SPON1: variants seen among roughly 807,000 people sequenced by gnomAD.
SPON1 encodes the protein spondin 1.
SPON1 carries 52 observed loss-of-function variants against 111.7 expected under a neutral mutation model. The ratio of observed to expected loss-of-function variants is 0.47; its 90% CI spans 0.37 to 0.59. The LOEUF is 0.59. Among genes scored for constraint, SPON1 ranks in the 20% least tolerant of loss-of-function variants. The probability of loss-of-function intolerance (pLI) is 0.00; values close to 1 mark genes in which losing one functional copy is unlikely to be tolerated. For synonymous variants in SPON1, 410 were observed against 395.8 expected, an observed-to-expected ratio of 1.04 and a Z score of -0.43; for missense variants, 957 against 1,068.5, an observed-to-expected ratio of 0.90 and a Z score of 1.46.
At chr11:14,223,085 C>G (rs1031352995) in intron 6 of SPON1, among the ~76,000 whole-genome samples, 10 of 152,200 alleles carry the variant, frequency 6.6e-5, no homozygotes, top group African/African-American at 1.9e-4. Context: ...GAAAAGTGGG[C>G]CGAGCATGGT....
intron 1 of SPON1, 83 bp from the exon 2 acceptor site, chr11:13,982,764 T>C: frequency 2.2e-6 from 2 of 927,152 alleles, no homozygotes; most frequent in Non-Finnish European, 1.7e-6. Flanking sequence ...GGGATATCGA[T>C]GGAGAACTCA....
chr11:13,983,225 G>C lies in SPON1; in HGVS notation c.345+272G>C, dbSNP rs534593455. On this transcript the variant is annotated intron_variant, in intron 2 of 15. Coordinates refer to ENST00000576479, the MANE Select transcript of SPON1 (RefSeq NM_006108.4). Reference sequence around the variant, plus strand: ...GTCCTTCAGCAGCCAAGCGTGGGGAGAGCACTTGGAGCCCTGGCTAGGCCT... The same window carrying C: ...GTCCTTCAGCAGCCAAGCGTGGGGACAGCACTTGGAGCCCTGGCTAGGCCT... Among the ~76,000 whole-genome samples, 3 of 152,356 alleles carry C rather than the reference G, an allele frequency of 2.0e-5. No individual in the cohort carries two copies. The South Asian group carries it at 6.2e-4, about 32-fold the overall frequency.
intron 5 of SPON1, among the ~76,000 whole-genome samples, chr11:14,127,728 A>T (rs116847339): frequency 0.013 from 1,951 of 152,350 alleles, 16 homozygotes; most frequent in Middle Eastern, 0.027. Flanking sequence ...CACATAGTAA[A>T]GTCTCGTGTA....
chr11:14,177,053 T>G (rs1848184813), intron 6 of SPON1, among the ~76,000 whole-genome samples: 1 of 152,152 alleles, frequency 6.6e-6, no homozygotes, highest in South Asian at 2.1e-4. Context: ...TTTGTTTGTT[T>G]GTTTTGAGAT....
At chr11:14,020,673 TG>T (rs1564887301) in intron 2 of SPON1, among the ~76,000 whole-genome samples, 2 of 152,220 alleles carry the variant, frequency 1.3e-5, no homozygotes, top group Non-Finnish European at 2.9e-5. Flanking sequence ...GTGATTGATC[TG>T]ATCTGAAAGC....
intron 5 of SPON1, among the ~76,000 whole-genome samples, chr11:14,090,233 T>C (rs1303583760): frequency 2.0e-5 from 3 of 149,672 alleles, no homozygotes; most frequent in Non-Finnish European, 4.4e-5. Flanking sequence ...TGCAGCCAGC[T>C]TGGCGTCTGC....
chr11:14,007,015 G>A (rs79399692), intron 2 of SPON1, among the ~76,000 whole-genome samples: 2,860 of 152,250 alleles, frequency 0.019, 94 homozygotes, highest in African/African-American at 0.066. Context: ...CTAGGGCAGT[G>A]GTCCCAAACC....
rs979173943 is a variant in SPON1, at chr11:14,219,359, T to G, written c.826-23973T>G. ...AAAGTTATCCTAGTTTCAGTCTCTC[T>G]TTAAATCAAAGTGTAGACAGTATGT... is the stretch of plus-strand genomic sequence containing the variant. On this transcript the variant is annotated intron_variant, in intron 6 of 15. Transcript: ENST00000576479. 5.3e-5 allele frequency among the ~76,000 whole-genome samples: 8 copies of G among 152,316 alleles called. No individual in the cohort carries two copies. In the South Asian group the frequency reaches 1.7e-3, roughly 32 times the overall value.
intron 6 of SPON1, among the ~76,000 whole-genome samples, chr11:14,217,159 G>T (rs1319196933): frequency 6.6e-6 from 1 of 152,154 alleles, no homozygotes; most frequent in African/African-American, 2.4e-5. Context: ...CAGATCAGAT[G>T]GTTGTCTTGC....
intron 5 of SPON1, among the ~76,000 whole-genome samples, chr11:14,107,740 T>G (rs1350239031): frequency 6.6e-6 from 1 of 151,846 alleles, no homozygotes; most frequent in East Asian, 1.9e-4. Flanking sequence ...AATGCGAGAG[T>G]GGAAAGGAAG....
Position 13,962,797 on chromosome 11 carries a change from C to A in SPON1, c.-108C>A. On this transcript the variant is annotated 5_prime_UTR_variant, in exon 1 of 16. Transcript: ENST00000576479. ...AGTCGCGGACGCCAGCTCCGAGCTC[C>A]CTCTCTCCGCCGCGCCTCCGCCAGG... 9.3e-7 allele frequency: 1 copy of A among 1,078,408 alleles called. No individual in the cohort carries two copies. Among genetic ancestry groups the A allele is most frequent in the South Asian group, 1.8e-5 (1 of 54,178 alleles). The allele number at this position is 1,078,408 out of a possible 1,614,324, so 66.8% of individuals were successfully genotyped here. A position where few individuals can be genotyped will look rare whatever the true frequency, so the allele number is the denominator to read the frequency against.
Position 14,250,567 on chromosome 11 carries a change from C to T in SPON1, c.891-3961C>T, listed in dbSNP as rs188168101. 3.8e-3 allele frequency among the ~76,000 whole-genome samples: 575 copies of T among 152,138 alleles called. 16 individuals carry two copies. The highest frequency in any genetic ancestry group is 1.7e-3 in the East Asian group (9 of 5,184). On this transcript the variant is annotated intron_variant, in intron 7 of 15. Transcript: ENST00000576479. ...ATATTTCTATCTTACCTGAATATCA[C>T]GCTATTTTGTCTATCATGCTTTATC...
chr11:14,246,927 G>A (rs1848997064), intron 7 of SPON1, among the ~76,000 whole-genome samples: 1 of 152,086 alleles, frequency 6.6e-6, no homozygotes, highest in African/African-American at 2.4e-5. Flanking sequence ...AAAACAAAGG[G>A]GAGAACATTT....
rs1360138765 is a variant in SPON1 at position 14,160,726 on chromosome 11, TTTATATATATTTA to T, written c.825+25159_825+25171del. Among the ~76,000 whole-genome samples, 21 of 13,974 alleles carry T rather than the reference TTTATATATATTTA, an allele frequency of 1.5e-3. 3 individuals carry two copies. The highest frequency in any genetic ancestry group is 5.5e-3 in the South Asian group (2 of 362). The allele number at this position is 13,974 out of a possible 152,430, so 9.2% of individuals were successfully genotyped here. A position where few individuals can be genotyped will look rare whatever the true frequency, so the allele number is the denominator to read the frequency against. On this transcript the variant is annotated intron_variant, in intron 6 of 15. Transcript: ENST00000576479. Reference sequence around the variant, plus strand: ...ATATATATTTATATATATTTATATATTTATATATATTTAATTTATATATATTTATATATATTTA... The same window carrying T: ...ATATATATTTATATATATTTATATATATTTATATATATTTATATATATTTA...
At chr11:14,021,471 T>C (rs1848481109) in intron 2 of SPON1, among the ~76,000 whole-genome samples, 1 of 152,124 alleles carries the variant, frequency 6.6e-6, no homozygotes, top group South Asian at 2.1e-4. Flanking sequence ...CCTCAGCTTC[T>C]GAAACAGCTC....
chr11:14,071,537 C>T (rs1253474476), intron 3 of SPON1, among the ~76,000 whole-genome samples: 1 of 152,202 alleles, frequency 6.6e-6, no homozygotes, highest in Non-Finnish European at 1.5e-5. Context: ...ACCTAAGCCA[C>T]ATTAGCCTCA....
Position 14,169,922 on chromosome 11 carries a change from G to C in SPON1, c.825+34354G>C, listed in dbSNP as rs137993598. On this transcript the variant is annotated intron_variant, in intron 6 of 15. Coordinates refer to ENST00000576479, the MANE Select transcript of SPON1 (RefSeq NM_006108.4). ...AGTCTTGTAGTATAGCTTGAAGTCA[G>C]GTAGTGTGATGCCTCCAGCTTTGTT... is the stretch of plus-strand genomic sequence containing the variant. Among the ~76,000 whole-genome samples the C allele has an allele frequency of 5.2e-3, 799 of 152,322 alleles. 4 individuals carry two copies. Among genetic ancestry groups the C allele is most frequent in the African/African-American group, 0.018 (768 of 41,572 alleles).
At chr11:14,257,667 G>A in intron 10 of SPON1, 49 bp from the exon 11 acceptor site, 1 of 1,520,494 alleles carries the variant, frequency 6.6e-7, no homozygotes, top group Non-Finnish European at 8.9e-7. Context: ...GAGGGCCAGT[G>A]GCAGCTCCCA....
intron 3 of SPON1, among the ~76,000 whole-genome samples, chr11:14,066,799 T>A (rs577255847): frequency 4.6e-4 from 70 of 152,236 alleles, no homozygotes; most frequent in African/African-American, 1.5e-3. Context: ...AAGGCCTTCT[T>A]ATAAGGCCTT....
Sources: gnomAD v4.1 joint callset for allele counts (sites outside exome capture counted in the v4.1 genomes callset) on GRCh38, gnomAD v4.1.1 for gene constraint, MANE v1.5 for transcripts, NCBI Gene and HGNC (gene_info 2026-07-23, HGNC 2026-07-21) for gene names.